RGS6: variants seen among roughly 807,000 people sequenced by gnomAD.
The protein encoded by RGS6 is regulator of G protein signaling 6, also known as regulator of G-protein signaling 6.
Under a neutral mutation model 78.5 loss-of-function variants are expected in RGS6, and 30 were observed. The ratio of observed to expected loss-of-function variants is 0.38; its 90% CI spans 0.29 to 0.52. The LOEUF is 0.52. Among genes scored for constraint, RGS6 ranks in the 20% least tolerant of loss-of-function variants. The pLI, the probability that RGS6 is intolerant of heterozygous loss-of-function variation, is 0.85. For synonymous variants in RGS6, 206 were observed against 206.0 expected (o/e 1.00, Z 0.00); for missense variants, 495 against 609.7 (o/e 0.81, Z 1.98).
At chr14:72,044,074 G>A (rs771587171) in intron 2 of RGS6, among the ~76,000 whole-genome samples, 15 of 152,136 alleles carry the variant, frequency 9.9e-5, no homozygotes, top group Non-Finnish European at 2.2e-4. Context: ...TCTTTCTTCA[G>A]CCATGACTAG....
chr14:72,398,431 T>C (rs1300393138), intron 3 of RGS6, among the ~76,000 whole-genome samples: 1 of 152,190 alleles, frequency 6.6e-6, no homozygotes, highest in African/African-American at 2.4e-5. Context: ...ATCTATTTGA[T>C]TCTTCTCTCT....
intron 2 of RGS6, among the ~76,000 whole-genome samples, chr14:72,101,933 G>A (rs566852917): frequency 6.6e-6 from 1 of 152,262 alleles, no homozygotes; most frequent in South Asian, 2.1e-4. Flanking sequence ...CCTTCCACCT[G>A]CATCATTGGA....
chr14:72,090,130 T>A (rs11627046), intron 2 of RGS6, among the ~76,000 whole-genome samples: 80,870 of 114,150 alleles, frequency 0.71, 26,294 homozygotes, highest in East Asian at 0.74. Flanking sequence ...AAAAAAAAAA[T>A]AAAGCCTTCA....
chr14:71,956,090 T>C (rs2092766706), intron 1 of RGS6, among the ~76,000 whole-genome samples: 1 of 152,154 alleles, frequency 6.6e-6, no homozygotes, highest in East Asian at 1.9e-4. Flanking sequence ...ACAAGCTTGG[T>C]AGGAAAACAT....
At chr14:71,963,648 C>G (rs1233377356) in intron 1 of RGS6, among the ~76,000 whole-genome samples, 7 of 152,242 alleles carry the variant, frequency 4.6e-5, no homozygotes, top group African/African-American at 1.7e-4. Flanking sequence ...CGTGTTTTCA[C>G]TTAGCATGTT....
At chr14:71,988,874 A>G (rs994181769) in intron 2 of RGS6, among the ~76,000 whole-genome samples, 2 of 152,210 alleles carry the variant, frequency 1.3e-5, no homozygotes, top group African/African-American at 4.8e-5. Flanking sequence ...AAAATATACA[A>G]GACCTGCCAT....
At chr14:71,961,098 G>A (rs1250467988) in intron 1 of RGS6, among the ~76,000 whole-genome samples, 2 of 152,180 alleles carry the variant, frequency 1.3e-5, no homozygotes, top group Non-Finnish European at 2.9e-5. Context: ...GTGTGGTATA[G>A]GAATTCCGTC....
chr14:72,200,633 C>T (rs1299932825), intron 2 of RGS6, among the ~76,000 whole-genome samples: 2 of 152,096 alleles, frequency 1.3e-5, no homozygotes, highest in African/African-American at 2.4e-5. Flanking sequence ...CAGTCCTCCT[C>T]AGTGACTGCA....
chr14:71,899,866 A>C, the RGS6 span, among the ~76,000 whole-genome samples: 2 of 152,206 alleles, frequency 1.3e-5, no homozygotes, highest in Non-Finnish European at 2.9e-5. Context: ...AGTTGTATTT[A>C]TGTCCAAAAA....
intron 3 of RGS6, among the ~76,000 whole-genome samples, chr14:72,397,149 G>A (rs1451013300): frequency 6.6e-6 from 1 of 152,126 alleles, no homozygotes; most frequent in Non-Finnish European, 1.5e-5. Context: ...AAATTACCTT[G>A]GCCATTTTCA....
chr14:72,134,569 C>G (rs896180799), intron 2 of RGS6, among the ~76,000 whole-genome samples: 16 of 152,056 alleles, frequency 1.1e-4, no homozygotes, highest in Admixed American at 1.0e-3. Context: ...TTAGGGTTCT[C>G]CAGAGAAACA....
At chr14:72,174,187 G>T (rs539267907) in intron 2 of RGS6, among the ~76,000 whole-genome samples, 5 of 152,152 alleles carry the variant, frequency 3.3e-5, no homozygotes, top group African/African-American at 2.4e-5. Flanking sequence ...AGCTCACTGC[G>T]ACCTCTGCCT....
chr14:72,033,027 G>A (rs2091149317), intron 2 of RGS6, among the ~76,000 whole-genome samples: 1 of 152,106 alleles, frequency 6.6e-6, no homozygotes, highest in Non-Finnish European at 1.5e-5. Flanking sequence ...CTATCATAAG[G>A]TGAAAATGCG....
chr14:72,541,043 T>A, intron 17 of RGS6: 1 of 1,324,626 alleles, frequency 7.5e-7, no homozygotes, highest in Non-Finnish European at 9.9e-7. Flanking sequence ...GCACAAGAAA[T>A]ACTCAATCCC....
rs955080085 is a variant in RGS6 at position 72,055,096 on chromosome 14, G to A, written c.84+90221G>A. Among the ~76,000 whole-genome samples, 7 of 152,166 alleles carry A rather than the reference G, an allele frequency of 4.6e-5. No individual in the cohort carries two copies. In the South Asian group the frequency reaches 6.2e-4, roughly 14 times the overall value. ...AGCAGAGCTGTTAGTAAGCATTTGC[G>A]TCTCCTGGCATGCATGTGCCGAGGT... On this transcript the variant is annotated intron_variant, in intron 2 of 17. Coordinates refer to ENST00000553525, the MANE Select transcript of RGS6 (RefSeq NM_001204424.2).
At chr14:72,279,725 C>T (rs73302877) in intron 2 of RGS6, among the ~76,000 whole-genome samples, 8,235 of 152,020 alleles carry the variant, frequency 0.054, 592 homozygotes, top group African/African-American at 0.17. Context: ...AGTGATTTGG[C>T]GATGGGGTGT....
the RGS6 span, among the ~76,000 whole-genome samples, chr14:71,889,915 T>G: frequency 6.6e-6 from 1 of 152,094 alleles, no homozygotes; most frequent in Non-Finnish European, 1.5e-5. Context: ...TCTCTCTTTC[T>G]TGCTCCTTCT....
intron 3 of RGS6, among the ~76,000 whole-genome samples, chr14:72,400,153 C>T (rs2092190915): frequency 1.3e-5 from 2 of 152,144 alleles, no homozygotes; most frequent in African/African-American, 4.8e-5. Context: ...TCGGGTTACC[C>T]ACAAAGGGAA....
intron 2 of RGS6, among the ~76,000 whole-genome samples, chr14:72,206,862 T>C (rs899235838): frequency 1.9e-4 from 1 of 5,260 alleles, no homozygotes; most frequent in Non-Finnish European, 2.8e-4. Flanking sequence ...TATGTATATA[T>C]ATAAAATACA....
Sources: gnomAD v4.1 joint callset for allele counts (sites outside exome capture counted in the v4.1 genomes callset) on GRCh38, gnomAD v4.1.1 for gene constraint, MANE v1.5 for transcripts, NCBI Gene and HGNC (gene_info 2026-07-23, HGNC 2026-07-21) for gene names.